SAMD4A: variants seen among roughly 807,000 people sequenced by gnomAD.
SAMD4A encodes sterile alpha motif domain containing 4A.
SAMD4A carries 33 observed loss-of-function variants against 81.3 expected under a neutral mutation model. The observed-to-expected ratio is 0.41, with a 90% CI of 0.31 to 0.54. The LOEUF is 0.54. SAMD4A is among the 20% of genes least tolerant of loss of function. The probability of loss-of-function intolerance (pLI) is 0.37; values close to 1 mark genes in which losing one functional copy is unlikely to be tolerated. For missense variants in SAMD4A, 854 were observed against 951.1 expected (o/e 0.90, Z 1.34); for synonymous variants, 389 against 382.1 (o/e 1.02, Z -0.21).
At chr14:54,701,368 T>C (rs1177965501) in intron 2 of SAMD4A, among the ~76,000 whole-genome samples, 3 of 152,166 alleles carry the variant, frequency 2.0e-5, no homozygotes, top group African/African-American at 7.2e-5. Flanking sequence ...GTTATGTGTA[T>C]TTTACCACAA....
chr14:54,766,164 T>C (rs1253215636), intron 8 of SAMD4A, among the ~76,000 whole-genome samples: 1 of 152,206 alleles, frequency 6.6e-6, no homozygotes, highest in East Asian at 1.9e-4. Flanking sequence ...TGTGACTTTG[T>C]TTCAGGGACA....
intron 5 of SAMD4A, among the ~76,000 whole-genome samples, chr14:54,750,644 C>T (rs111493747): frequency 7.2e-5 from 11 of 152,128 alleles, no homozygotes; most frequent in African/African-American, 2.7e-4. Context: ...AACAAATTCC[C>T]CATGTTTTAT....
intron 2 of SAMD4A, among the ~76,000 whole-genome samples, chr14:54,579,600 A>G (rs890931649): frequency 2.0e-5 from 3 of 152,166 alleles, no homozygotes; most frequent in Admixed American, 6.5e-5. Flanking sequence ...TATTCCTCTT[A>G]CTTATGACAT....
At chr14:54,765,746 C>T (rs1300715699) in intron 8 of SAMD4A, among the ~76,000 whole-genome samples, 1 of 152,230 alleles carries the variant, frequency 6.6e-6, no homozygotes, top group Non-Finnish European at 1.5e-5. Context: ...GGCCAGGCCC[C>T]TTCTCCACTT....
chr14:54,664,810 A>AACACACACACACACAC (rs140875623), intron 2 of SAMD4A, among the ~76,000 whole-genome samples: 5 of 141,672 alleles, frequency 3.5e-5, no homozygotes, highest in South Asian at 2.4e-4. Flanking sequence ...ATGTGAATCC[A>AACACACACACACACAC]ACACACACAC....
intron 2 of SAMD4A, among the ~76,000 whole-genome samples, chr14:54,678,168 G>A (rs1409464220): frequency 6.6e-6 from 1 of 152,182 alleles, no homozygotes; most frequent in Non-Finnish European, 1.5e-5. Flanking sequence ...CAGTTGTGCA[G>A]AAGTATGATT....
intron 2 of SAMD4A, among the ~76,000 whole-genome samples, chr14:54,569,487 G>T (rs947059771): frequency 6.6e-6 from 1 of 152,142 alleles, no homozygotes; most frequent in South Asian, 2.1e-4. Flanking sequence ...ATTCCATTGA[G>T]CCCGAGCCTC....
At chr14:54,716,712 AT>A (rs967041701) in intron 3 of SAMD4A, among the ~76,000 whole-genome samples, 30 of 152,252 alleles carry the variant, frequency 2.0e-4, no homozygotes, top group Admixed American at 5.9e-4. Context: ...TCTGTAGATG[AT>A]TTTTTTGGCA....
chr14:54,603,806 G>A (rs929327653), intron 2 of SAMD4A, among the ~76,000 whole-genome samples: 1 of 149,384 alleles, frequency 6.7e-6, no homozygotes, highest in Non-Finnish European at 1.5e-5. Context: ...TTGTTTGTTT[G>A]TTTGTTTATT....
At chr14:54,682,115 A>C (rs1333600608) in intron 2 of SAMD4A, 2 of 952,384 alleles carry the variant, frequency 2.1e-6, no homozygotes, top group African/African-American at 3.5e-5. Context: ...CTTATCCCAC[A>C]ATGTTTGGGG....
At chr14:54,599,015 T>C (rs979184422) in intron 2 of SAMD4A, among the ~76,000 whole-genome samples, 2 of 152,204 alleles carry the variant, frequency 1.3e-5, no homozygotes, top group Non-Finnish European at 2.9e-5. Context: ...AGACATGGTG[T>C]CACCATGTTG....
At position 54,723,995 on chromosome 14, in the gene SAMD4A, T is replaced by C. The variant is rs953751192; in HGVS notation, c.716-13029T>C. ...AGGCAGATGCTCAGCAAATATTGGA[T>C]GGATGGATGGATGGAAGGAAGGAAG... On this transcript the variant is annotated intron_variant, in intron 3 of 12. Transcript: ENST00000554335. 1.2e-3 allele frequency among the ~76,000 whole-genome samples: 73 copies of C among 59,624 alleles called. 1 individual carries two copies. The highest frequency in any genetic ancestry group is 3.5e-3 in the Admixed American group (22 of 6,230). 39.1% of individuals were successfully genotyped at this position (59,624 alleles called of 152,430 possible). A position where few individuals can be genotyped will look rare whatever the true frequency, so the allele number is the denominator to read the frequency against.
At chr14:54,738,450 T>G (rs1292402762) in intron 4 of SAMD4A, among the ~76,000 whole-genome samples, 1 of 152,150 alleles carries the variant, frequency 6.6e-6, no homozygotes, top group East Asian at 1.9e-4. Context: ...GTCCTCTCCA[T>G]CCCACCCCCA....
intron 2 of SAMD4A, among the ~76,000 whole-genome samples, chr14:54,662,666 C>T (rs1425305408): frequency 1.3e-5 from 2 of 152,048 alleles, no homozygotes; most frequent in African/African-American, 4.8e-5. Context: ...CTACTTGCCT[C>T]CGCCTCCCAA....
chr14:54,776,751 A>G (rs1051446159), intron 11 of SAMD4A, among the ~76,000 whole-genome samples: 1 of 152,202 alleles, frequency 6.6e-6, no homozygotes, highest in Non-Finnish European at 1.5e-5. Flanking sequence ...GTTGGTTGCA[A>G]TCGGATGGGG....
intron 3 of SAMD4A, among the ~76,000 whole-genome samples, chr14:54,717,872 T>C (rs933005956): frequency 7.3e-5 from 11 of 150,434 alleles, no homozygotes; most frequent in African/African-American, 2.5e-4. Context: ...CAAGCAAATA[T>C]GTTGCTTGAA....
chr14:54,771,011 GA>G (rs2038688953), intron 9 of SAMD4A, among the ~76,000 whole-genome samples: 1 of 152,056 alleles, frequency 6.6e-6, no homozygotes. Flanking sequence ...ACTTGCACCT[GA>G]AAGGGTCTGA....
At chr14:54,700,400 C>CT (rs1218358745) in intron 2 of SAMD4A, among the ~76,000 whole-genome samples, 1 of 152,148 alleles carries the variant, frequency 6.6e-6, no homozygotes, top group Non-Finnish European at 1.5e-5. Context: ...TACCATGCCT[C>CT]TTTTTTTGCT....
chr14:54,761,816 C>T (rs962202406), intron 7 of SAMD4A, among the ~76,000 whole-genome samples: 1 of 152,244 alleles, frequency 6.6e-6, no homozygotes, highest in Admixed American at 6.5e-5. Flanking sequence ...ATCCACTGGG[C>T]TGGGTGAGGT....
Sources: allele counts gnomAD v4.1 joint callset (sites outside exome capture counted in the v4.1 genomes callset), GRCh38; gene constraint gnomAD v4.1.1; transcripts MANE v1.5; gene names NCBI Gene and HGNC (gene_info 2026-07-23, HGNC 2026-07-21).